PSEN2: variants seen among roughly 807,000 people sequenced by gnomAD.
PSEN2 encodes presenilin 2.
In PSEN2, 32 loss-of-function variants were observed where a neutral mutation model predicts 49.1. That is an observed-to-expected ratio of 0.65 (90% CI 0.49 to 0.88). The LOEUF (loss-of-function observed/expected upper bound fraction) is 0.88, where lower values mean the gene tolerates loss of function less well. PSEN2 is among the 40% of genes least tolerant of loss of function. The pLI is 0.00. For synonymous variants in PSEN2, 255 were observed against 244.0 expected (o/e 1.05, Z -0.42); for missense variants, 522 against 586.9 (o/e 0.89, Z 1.14).
chr1:226,873,485 A>G (rs1660437383), intron 2 of PSEN2, among the ~76,000 whole-genome samples: 1 of 152,082 alleles, frequency 6.6e-6, no homozygotes, highest in African/African-American at 2.4e-5. Context: ...GTATGATCTC[A>G]GCTAACTGCA....
intron 1 of PSEN2, 32 bp from the exon 2 acceptor site, chr1:226,871,228 TTC>T (rs1660266583): frequency 6.6e-6 from 1 of 152,232 alleles, no homozygotes; most frequent in African/African-American, 2.4e-5. Flanking sequence ...TAGAGCCGGT[TTC>T]TGTTAGCAGC....
Position 226,888,874 on chromosome 1 carries a change from C to T in PSEN2, c.612C>T (p.Leu204=), listed in dbSNP as rs1336639209. 5 of 1,614,212 alleles carry T rather than the reference C, an allele frequency of 3.1e-6. No homozygotes were observed. In the Admixed American group the frequency reaches 5.0e-5, roughly 16 times the overall value. Residue 204 remains leucine (L), a synonymous_variant, in exon 8 of 13, where the codon CTC becomes CTT. Coordinates refer to ENST00000366783, the MANE Select transcript of PSEN2 (RefSeq NM_000447.3). The part of the protein sequence containing the change: ...TYNVAMDYPT[L]LLTVWNFGAV... ...ATGTGGCCATGGACTACCCCACCCT[C>T]TTGCTGACTGTCTGGAACTTCGGGG...
At chr1:226,879,111 A>G (rs1165277147) in intron 3 of PSEN2, among the ~76,000 whole-genome samples, 2 of 152,182 alleles carry the variant, frequency 1.3e-5, no homozygotes, top group Non-Finnish European at 2.9e-5. Flanking sequence ...GGCTCAAGCG[A>G]TCTGTCTGCC....
intron 2 of PSEN2, 118 bp from the exon 3 acceptor site, chr1:226,875,247 T>G (rs1660559557): frequency 6.6e-6 from 1 of 152,244 alleles, no homozygotes; most frequent in African/African-American, 2.4e-5. Flanking sequence ...AGATGGATGG[T>G]CAGCTGGACC....
chr1:226,896,800 G>T (rs1241737073), downstream of PSEN2, among the ~76,000 whole-genome samples: 1 of 152,106 alleles, frequency 6.6e-6, no homozygotes, highest in Non-Finnish European at 1.5e-5. Context: ...GGCTGAGGCT[G>T]CAATGAGCCG....
Position 226,895,672 on chromosome 1 carries a change from C to G in PSEN2, c.*93C>G. 1 of 1,396,076 alleles carries G rather than the reference C, an allele frequency of 7.2e-7. No homozygotes were observed. Among genetic ancestry groups the G allele is most frequent in the Non-Finnish European group, 9.8e-7 (1 of 1,015,840 alleles). The allele number at this position is 1,396,076 out of a possible 1,614,324, so 86.5% of individuals were successfully genotyped here. On this transcript the variant is annotated 3_prime_UTR_variant, in exon 13 of 13. Coordinates refer to ENST00000366783, the MANE Select transcript of PSEN2 (RefSeq NM_000447.3). ...ACTCTAGTGCCATATATTTTTAAGA[C>G]TTTTCTTTCCTTAAAAAATAAAGTA...
At chr1:226,902,234 A>G (rs553097847) in intron 12 of PSEN2, among the ~76,000 whole-genome samples, 2 of 152,316 alleles carry the variant, frequency 1.3e-5, no homozygotes, top group African/African-American at 4.8e-5. Flanking sequence ...TCGAGGTCCT[A>G]TGAGAATCCG....
At chr1:226,897,692 A>C (rs1183275361), downstream of PSEN2, 2 of 155,470 alleles carry the variant, frequency 1.3e-5, no homozygotes, top group South Asian at 2.0e-4. Context: ...GTAACCCGTC[A>C]ACTAATATCT....
intron 2 of PSEN2, among the ~76,000 whole-genome samples, chr1:226,873,509 G>C (rs1209469249): frequency 6.6e-6 from 1 of 152,056 alleles, no homozygotes. Context: ...TCTGCTTGCC[G>C]GGTTCTAGCG....
chr1:226,885,715 C>T, intron 6 of PSEN2, 36 bp downstream of exon 6: 6 of 1,601,362 alleles, frequency 3.7e-6, no homozygotes, highest in Non-Finnish European at 5.1e-6. Flanking sequence ...CCACGCTTCT[C>T]TCCGTCTGCC....
chr1:226,888,743 G>T (rs1249016974), intron 7 of PSEN2, 86 bp from the exon 8 acceptor site: 18 of 1,156,238 alleles, frequency 1.6e-5, no homozygotes, highest in Non-Finnish European at 7.8e-6. Context: ...AGTAAAGAGG[G>T]CCAGGTTGGG....
At chr1:226,891,452 G>A (rs937051707) in intron 10 of PSEN2, 91 bp downstream of exon 10, 1 of 1,190,036 alleles carries the variant, frequency 8.4e-7, no homozygotes, top group Non-Finnish European at 1.2e-6. Flanking sequence ...TCCCTGAGAG[G>A]CATGAGTTCA....
chr1:226,903,393 A>G (rs185937813), intron 12 of PSEN2: 1 of 152,282 alleles, frequency 6.6e-6, no homozygotes, highest in East Asian at 1.9e-4. Context: ...ACACACACAG[A>G]CCCTCCAAAT....
intron 6 of PSEN2, among the ~76,000 whole-genome samples, chr1:226,886,150 G>A (rs991387192): frequency 6.6e-6 from 1 of 152,156 alleles, no homozygotes; most frequent in African/African-American, 2.4e-5. Context: ...TTACATGTGT[G>A]AGCCATTGCA....
chr1:226,891,707 G>A (rs776289096), intron 10 of PSEN2, 36 bp from the exon 11 acceptor site: 13 of 1,534,142 alleles, frequency 8.5e-6, no homozygotes, highest in East Asian at 2.2e-5. Context: ...CCCTCCTCAC[G>A]GTGATGACGG....
At chr1:226,888,184 C>A (rs745591174) in intron 7 of PSEN2, 26 bp downstream of exon 7, 1 of 1,574,290 alleles carries the variant, frequency 6.4e-7, no homozygotes, top group Non-Finnish European at 8.7e-7. Flanking sequence ...GCAGCAGGGT[C>A]CCTGGGAGCC....
intron 10 of PSEN2, 118 bp downstream of exon 10, chr1:226,891,479 A>G: frequency 1.1e-6 from 1 of 949,446 alleles, no homozygotes; most frequent in East Asian, 2.6e-5. Flanking sequence ...GCAGAGGGAA[A>G]GGTCCGTTGA....
intron 8 of PSEN2, among the ~76,000 whole-genome samples, 187 bp from the exon 9 acceptor site, chr1:226,889,848 C>T (rs1391717652): frequency 6.6e-6 from 1 of 152,222 alleles, no homozygotes; most frequent in African/African-American, 2.4e-5. Flanking sequence ...CAGTTGCCTG[C>T]GAGGCCCTAC....
chr1:226,901,028 G>C (rs948949490), downstream of PSEN2, among the ~76,000 whole-genome samples: 1 of 152,188 alleles, frequency 6.6e-6, no homozygotes, highest in Non-Finnish European at 1.5e-5. Context: ...TAGTATATAA[G>C]CCCACGGTAT....
Sources: allele counts gnomAD v4.1 joint callset (sites outside exome capture counted in the v4.1 genomes callset), GRCh38; gene constraint gnomAD v4.1.1; transcripts MANE v1.5; gene names NCBI Gene and HGNC (gene_info 2026-07-23, HGNC 2026-07-21).